Variants in FSTL5 observed in about 807,000 individuals in gnomAD.
FSTL5 encodes follistatin-related protein 5.
Under a neutral mutation model 89.1 loss-of-function variants are expected in FSTL5, and 62 were observed. The ratio of observed to expected loss-of-function variants is 0.70; its 90% CI spans 0.57 to 0.86. The LOEUF is 0.86. Among genes scored for constraint, FSTL5 ranks in the 40% least tolerant of loss-of-function variants. The pLI is 0.00. For synonymous variants in FSTL5, 383 were observed against 346.2 expected (o/e 1.11, Z -1.18); for missense variants, 1,057 against 1,001.6 (o/e 1.06, Z -0.75).
intron 8 of FSTL5, among the ~76,000 whole-genome samples, chr4:161,584,764 G>A (rs1285945212): frequency 6.6e-6 from 1 of 152,030 alleles, no homozygotes; most frequent in Non-Finnish European, 1.5e-5. Context: ...TCCTCATCTT[G>A]TTTGCCTTCT....
intron 12 of FSTL5, among the ~76,000 whole-genome samples, chr4:161,492,549 A>T (rs1459817893): frequency 2.0e-5 from 3 of 152,178 alleles, no homozygotes; most frequent in Non-Finnish European, 4.4e-5. Flanking sequence ...ATTAAAAAAT[A>T]GGTAGATAGC....
chr4:161,776,132 T>A, intron 4 of FSTL5, 58 bp from the exon 5 acceptor site: 1 of 883,288 alleles, frequency 1.1e-6, no homozygotes, highest in Non-Finnish European at 1.6e-6. Context: ...ATAGTTTATT[T>A]AATTAAGGTT....
At chr4:161,534,953 A>C (rs967040331) in intron 10 of FSTL5, among the ~76,000 whole-genome samples, 1 of 152,104 alleles carries the variant, frequency 6.6e-6, no homozygotes, top group African/African-American at 2.4e-5. Context: ...GACAAAATAG[A>C]CAAAAAAAGC....
chr4:162,039,677 A>G (rs988003075), intron 2 of FSTL5, among the ~76,000 whole-genome samples: 1 of 151,968 alleles, frequency 6.6e-6, no homozygotes, highest in African/African-American at 2.4e-5. Context: ...TGCTGAAAAT[A>G]AGTTCATTTC....
chr4:162,149,736 T>C (rs549419664), intron 1 of FSTL5, among the ~76,000 whole-genome samples: 1 of 152,236 alleles, frequency 6.6e-6, no homozygotes, highest in East Asian at 1.9e-4. Context: ...TATATATGTA[T>C]ATATATAAGC....
chr4:162,059,692 T>C (rs1738658840), intron 2 of FSTL5, among the ~76,000 whole-genome samples: 1 of 152,098 alleles, frequency 6.6e-6, no homozygotes, highest in South Asian at 2.1e-4. Flanking sequence ...TTAATAATAG[T>C]CTATAAATAG....
At chr4:161,799,311 T>C (rs1185882964) in intron 4 of FSTL5, among the ~76,000 whole-genome samples, 1 of 151,712 alleles carries the variant, frequency 6.6e-6, no homozygotes, top group Admixed American at 6.6e-5. Flanking sequence ...ACGGTAGTGA[T>C]GAGTGAGTTA....
intron 6 of FSTL5, among the ~76,000 whole-genome samples, chr4:161,684,048 T>C (rs1737618811): frequency 1.3e-5 from 2 of 152,180 alleles, no homozygotes; most frequent in African/African-American, 4.8e-5. Context: ...GTCTCCAATC[T>C]CATCCAGGTT....
At chr4:161,749,550 C>A (rs948958354) in intron 6 of FSTL5, among the ~76,000 whole-genome samples, 1 of 152,124 alleles carries the variant, frequency 6.6e-6, no homozygotes, top group African/African-American at 2.4e-5. Context: ...GTAATCCCAG[C>A]ACTTCGGGAG....
intron 4 of FSTL5, among the ~76,000 whole-genome samples, chr4:161,836,482 G>GA (rs947127575): frequency 1.9e-3 from 279 of 147,280 alleles, no homozygotes; most frequent in African/African-American, 6.3e-3. Context: ...GAAAAGAAAA[G>GA]AAAAAAAAAA....
At chr4:161,724,303 A>G (rs188255234) in intron 6 of FSTL5, among the ~76,000 whole-genome samples, 1 of 152,320 alleles carries the variant, frequency 6.6e-6, no homozygotes, top group Admixed American at 6.5e-5. Context: ...ATTGTTAGCA[A>G]TTAATGCAAT....
intron 2 of FSTL5, among the ~76,000 whole-genome samples, chr4:162,063,423 A>T (rs903888915): frequency 6.6e-6 from 1 of 151,800 alleles, no homozygotes; most frequent in Non-Finnish European, 1.5e-5. Flanking sequence ...TCACTTCCTA[A>T]GTTTTATTGA....
At chr4:161,888,812 T>C (rs1371771668) in intron 4 of FSTL5, among the ~76,000 whole-genome samples, 2 of 152,070 alleles carry the variant, frequency 1.3e-5, no homozygotes, top group Non-Finnish European at 2.9e-5. Context: ...TTAATTTCAA[T>C]TATTAAATTT....
chr4:161,473,544 T>C (rs570951415), intron 13 of FSTL5, among the ~76,000 whole-genome samples: 1 of 150,384 alleles, frequency 6.6e-6, no homozygotes, highest in African/African-American at 2.4e-5. Flanking sequence ...CCCACATCAC[T>C]CAGCTTCCCA....
At chr4:162,005,039 G>C in intron 3 of FSTL5, among the ~76,000 whole-genome samples, 1 of 152,126 alleles carries the variant, frequency 6.6e-6, no homozygotes, top group East Asian at 1.9e-4. Flanking sequence ...CCTGCCAGAT[G>C]CTGTGTCTGT....
chr4:161,586,183 A>G (rs1028884524), intron 8 of FSTL5, among the ~76,000 whole-genome samples: 1 of 152,182 alleles, frequency 6.6e-6, no homozygotes, highest in African/African-American at 2.4e-5. Flanking sequence ...CTGACTTCAT[A>G]TCCATTTATA....
intron 1 of FSTL5, among the ~76,000 whole-genome samples, chr4:162,134,281 G>T (rs1732443027): frequency 6.6e-6 from 1 of 152,158 alleles, no homozygotes; most frequent in Non-Finnish European, 1.5e-5. Flanking sequence ...TGACCTGAGG[G>T]AGAATAATTT....
At chr4:161,461,629 G>A (rs1733587367) in intron 13 of FSTL5, among the ~76,000 whole-genome samples, 1 of 152,014 alleles carries the variant, frequency 6.6e-6, no homozygotes, top group East Asian at 1.9e-4. Flanking sequence ...TAGCTTTATT[G>A]CTTAAGGAAT....
chr4:161,440,218 C>T (rs78856012), intron 15 of FSTL5, among the ~76,000 whole-genome samples: 3,633 of 152,150 alleles, frequency 0.024, 141 homozygotes, highest in African/African-American at 0.083. Flanking sequence ...GATTCGCCAA[C>T]ACACAGGGCT....
Sources: allele counts gnomAD v4.1 joint callset (sites outside exome capture counted in the v4.1 genomes callset), GRCh38; gene constraint gnomAD v4.1.1; transcripts MANE v1.5; gene names NCBI Gene and HGNC (gene_info 2026-07-23, HGNC 2026-07-21).